Variants in GRIN3B observed in about 807,000 individuals in gnomAD.
GRIN3B encodes glutamate ionotropic receptor NMDA type subunit 3B, also known as glutamate receptor ionotropic, NMDA 3B.
GRIN3B carries 77 observed loss-of-function variants against 66.0 expected under a neutral mutation model. The observed-to-expected ratio is 1.17, with a 90% CI of 0.97 to 1.41. GRIN3B has a LOEUF of 1.41. Among genes scored for constraint, GRIN3B ranks in the 40% most tolerant of loss-of-function variants. The pLI, the probability that GRIN3B is intolerant of heterozygous loss-of-function variation, is 0.00. For missense variants in GRIN3B, 1,787 were observed against 1,564.5 expected (o/e 1.14, Z -2.40); for synonymous variants, 823 against 749.7 (o/e 1.10, Z -1.60).
rs142853420 is a variant in GRIN3B, at chr19:1,009,186, G to GAGC, written c.2734_2736dup (p.Gln912dup). On this transcript the variant is annotated inframe_insertion, in exon 9 of 9. Transcript: ENST00000234389. ...TTCCGTCCCCAGCGGCCCCGAGGTG[G>GAGC]AGCAGCAGCAGCAGCAGCAGGACCA... 105 of 1,471,716 alleles carry GAGC rather than the reference G, an allele frequency of 7.1e-5. No homozygotes were observed. The highest frequency in any genetic ancestry group is 1.5e-4 in the South Asian group (11 of 74,474). The allele number at this position is 1,471,716 out of a possible 1,614,324, so 91.2% of individuals were successfully genotyped here. A position where few individuals can be genotyped will look rare whatever the true frequency, so the allele number is the denominator to read the frequency against.
At chr19:1,008,981 C>T (rs1445196606) in intron 8 of GRIN3B, 54 bp downstream of exon 8, 7 of 1,549,076 alleles carry the variant, frequency 4.5e-6, no homozygotes, top group Non-Finnish European at 5.2e-6. Context: ...CCCACCACCC[C>T]ACCAGCTCGC....
intron 1 of GRIN3B, 33 bp from the exon 2 acceptor site, chr19:1,003,097 C>A: frequency 7.3e-7 from 1 of 1,372,484 alleles, no homozygotes; most frequent in South Asian, 1.6e-5. Context: ...GGGTGGAGGT[C>A]GTCAACCCTA....
At position 1,008,159 on chromosome 19, in the gene GRIN3B, C is replaced by G; in HGVS notation, c.2334C>G (p.Pro778=). ...FAIEGYGIGL[P]QNSPLTSNLS... ...CCCCAGGCTATGGGATCGGACTGCCCCAGAACTCGCCGCTCACCTCCAACC... is the reference window on the plus strand; with the variant it reads ...CCCCAGGCTATGGGATCGGACTGCCGCAGAACTCGCCGCTCACCTCCAACC... Residue 778 remains proline, a synonymous_variant, in exon 6 of 9, where the codon CCC becomes CCG. Transcript: ENST00000234389. 1 of 1,600,144 alleles carries G rather than the reference C, an allele frequency of 6.2e-7. No individual in the cohort carries two copies. Among genetic ancestry groups the G allele is most frequent in the Middle Eastern group, 1.7e-4 (1 of 6,048 alleles).
Position 1,004,874 on chromosome 19 carries a change from C to T in GRIN3B, c.1373C>T (p.Ala458Val), listed in dbSNP as rs778500000. 35 of 1,609,690 alleles carry T rather than the reference C, an allele frequency of 2.2e-5. No homozygotes were observed. The highest frequency in any genetic ancestry group is 2.8e-5 in the Non-Finnish European group (33 of 1,177,990). Residue 458 changes from alanine to valine, a missense_variant, in exon 3 of 9, where the codon GCA (alanine) becomes GTA (valine). Coordinates refer to ENST00000234389, the MANE Select transcript of GRIN3B (RefSeq NM_138690.3). ...ACCAACGACTCGGCCACCCTGGACG[C>T]ACTGTTCGCCGCGCTGGCCAACGGC... Reference protein sequence around the residue: ...PGTNDSATLDALFAALANGSA... With the variant: ...PGTNDSATLDVLFAALANGSA...
In GRIN3B at chr19:1,008,702, G is replaced by C. The variant is rs201161474; in HGVS notation, c.2551G>C (p.Gly851Arg). The change falls in exon 7 of 9, where the codon GGC becomes CGC. Residue 851 changes from glycine (G) to arginine (R), a missense_variant. Gly to Arg is a moderately radical substitution (Grantham distance 125). Coordinates refer to ENST00000234389, the MANE Select transcript of GRIN3B (RefSeq NM_138690.3). ...GGGCAGCGCTCTGCTCAGCTCGCTG[G>C]GCGAGCACGCCTTCTTCCGCCTGGC... is the stretch of plus-strand genomic sequence containing the variant. ...GLGSALLSSLGEHAFFRLALP... is the reference protein window; with the variant it reads ...GLGSALLSSLREHAFFRLALP... 23 of 1,607,742 alleles carry C rather than the reference G, an allele frequency of 1.4e-5. No individual in the cohort carries two copies. The highest frequency in any genetic ancestry group is 1.9e-5 in the Non-Finnish European group (22 of 1,179,600).
rs778067974 is a variant in GRIN3B at position 1,005,027 on chromosome 19, G to A, written c.1526G>A (p.Arg509Gln). ...GGTGACGGCAAGTACGGCGCCCTGC[G>A]GGACGGCCGCTGGACCGGCCTGGTC... The part of the protein sequence containing the change: ...LVGDGKYGAL[R>Q]DGRWTGLVGD... Residue 509 changes from arginine to glutamine, a missense_variant, in exon 3 of 9, where the codon CGG becomes CAG. Coordinates refer to ENST00000234389, the MANE Select transcript of GRIN3B (RefSeq NM_138690.3). The surrounding 1 kb of genome is among the most constrained non-coding windows in gnomAD (Gnocchi z 5.2). 2.6e-5 allele frequency: 42 copies of A among 1,611,796 alleles called. No individual in the cohort carries two copies. Among genetic ancestry groups the A allele is most frequent in the Middle Eastern group, 1.6e-4 (1 of 6,080 alleles).
Position 1,009,695 on chromosome 19 carries a change from G to A in GRIN3B, c.*93G>A, listed in dbSNP as rs975320708. On this transcript the variant is annotated 3_prime_UTR_variant, in exon 9 of 9. Transcript: ENST00000234389. ...TTATTCTATATACAAACACAATTTT[G>A]TACACTGCAATTAAATAGAATGGAA... The A allele has an allele frequency of 1.5e-5, 16 of 1,055,298 alleles. No individual in the cohort carries two copies. The highest frequency in any genetic ancestry group is 2.0e-5 in the Non-Finnish European group (16 of 794,664). The allele number at this position is 1,055,298 out of a possible 1,614,324, so 65.4% of individuals were successfully genotyped here. A position where few individuals can be genotyped will look rare whatever the true frequency, so the allele number is the denominator to read the frequency against.
intron 1 of GRIN3B, 118 bp downstream of exon 1, chr19:1,000,981 C>A: frequency 8.8e-7 from 1 of 1,132,928 alleles, no homozygotes. Flanking sequence ...AAGGGGGATC[C>A]CGGGACGCTG....
chr19:1,009,122 G>A, intron 8 of GRIN3B, 51 bp from the exon 9 acceptor site: 3 of 1,441,260 alleles, frequency 2.1e-6, no homozygotes, highest in Non-Finnish European at 2.7e-6. Flanking sequence ...GAGGCCCAGG[G>A]CGCGAGACGG....
Position 1,007,686 on chromosome 19 carries a change from C to T in GRIN3B, c.2111C>T (p.Ala704Val), listed in dbSNP as rs2145540440. Reference sequence around the variant, plus strand: ...ACCGTGTGGGAGAGCAGCGCCGAGGCGTACATCAAGAAGAGCTTCCCCGAC... The same window carrying T: ...ACCGTGTGGGAGAGCAGCGCCGAGGTGTACATCAAGAAGAGCTTCCCCGAC... ...FGTVWESSAE[A>V]YIKKSFPDMH... Residue 704 changes from alanine (A) to valine (V), a missense_variant, in exon 4 of 9, where the codon GCG becomes GTG. Transcript: ENST00000234389. This position sits in a 1 kb window ranked among gnomAD's most constrained non-coding sequence, Gnocchi z 4.4. 1 of 1,536,848 alleles carries T rather than the reference C, an allele frequency of 6.5e-7. No individual in the cohort carries two copies. The highest frequency in any genetic ancestry group is 1.7e-4 in the Middle Eastern group (1 of 5,968).
chr19:1,004,803 C>T lies in GRIN3B; in HGVS notation c.1302C>T (p.Asp434=), dbSNP rs139557341. 1.4e-4 allele frequency: 227 copies of T among 1,612,838 alleles called. No homozygotes were observed. Among genetic ancestry groups the T allele is most frequent in the African/African-American group, 8.8e-4 (66 of 75,034 alleles). Residue 434 remains aspartate (D), a synonymous_variant, in exon 3 of 9, where the codon GAC becomes GAT. Coordinates refer to ENST00000234389, the MANE Select transcript of GRIN3B (RefSeq NM_138690.3). ...EHPFVFARDP[D]EDGQCPAGQL... is the part of the protein sequence containing the mutation. ...CATTTGTGTTTGCCCGTGATCCAGACGAAGACGGGCAGTGCCCAGCGGGGC... is the reference window on the plus strand; with the variant it reads ...CATTTGTGTTTGCCCGTGATCCAGATGAAGACGGGCAGTGCCCAGCGGGGC...
At chr19:1,002,721 G>A (rs2038696036) in intron 1 of GRIN3B, 1 of 169,532 alleles carries the variant, frequency 5.9e-6, no homozygotes. Context: ...GGAGGGACCT[G>A]AGGCTGGAGG....
Position 1,003,308 on chromosome 19 carries a change from T to C in GRIN3B, c.605T>C (p.Val202Ala). ...CGGGCTGGCCGGCCCCCACAGCTGGTCCTGGACCTAAGCCGGCGGGACACG... is the reference window on the plus strand; with the variant it reads ...CGGGCTGGCCGGCCCCCACAGCTGGCCCTGGACCTAAGCCGGCGGGACACG... ...TSRAGRPPQL[V>A]LDLSRRDTGD... Residue 202 changes from valine to alanine, a missense_variant, in exon 2 of 9, where the codon GTC (valine) becomes GCC (alanine). Val to Ala is a moderately conservative substitution (Grantham distance 64). Transcript: ENST00000234389. 1.3e-6 allele frequency: 2 copies of C among 1,574,940 alleles called. No homozygotes were observed. The highest frequency in any genetic ancestry group is 1.2e-5 in the South Asian group (1 of 86,092).
Position 1,004,509 on chromosome 19 carries a change from C to T in GRIN3B, c.1020-12C>T. ...ACTTCGACACCTGACACCCCCCCCG[C>T]CCTGCCCCTAGGTTCCTGGCCAACA... On this transcript the variant is annotated splice_polypyrimidine_tract_variant and intron_variant, in intron 2 of 8. Transcript: ENST00000234389. 3 of 1,564,942 alleles carry T rather than the reference C, an allele frequency of 1.9e-6. No homozygotes were observed. The highest frequency in any genetic ancestry group is 2.3e-5 in the South Asian group (2 of 85,908).
Position 1,003,624 on chromosome 19 carries a change from G to A in GRIN3B, c.921G>A (p.Ala307=), listed in dbSNP as rs777565474. The A allele has an allele frequency of 7.4e-5, 106 of 1,429,086 alleles. No individual in the cohort carries two copies. The Admixed American group carries it at 1.1e-3, about 15-fold the overall frequency. The allele number at this position is 1,429,086 out of a possible 1,614,324, so 88.5% of individuals were successfully genotyped here. ...VQLVARALGS[A]AQVQPKRALL... ...TGGTGGCCCGGGCGCTGGGCAGTGC[G>A]GCCCAGGTGCAGCCGAAGCGAGCCC... Residue 307 remains alanine, a synonymous_variant, in exon 2 of 9, where the codon GCG becomes GCA. Coordinates refer to ENST00000234389, the MANE Select transcript of GRIN3B (RefSeq NM_138690.3).
rs1238944353 is a variant in GRIN3B at position 1,008,225 on chromosome 19, C to T, written c.2400C>T (p.Ile800=). Residue 800 remains isoleucine (I), a synonymous_variant, in exon 6 of 9, where the codon ATC becomes ATT. Coordinates refer to ENST00000234389, the MANE Select transcript of GRIN3B (RefSeq NM_138690.3). ...FISRYKSSGF[I]DLLHDKWYKM... ...GCCGCTACAAGTCCTCCGGCTTCATCGACCTGCTCCACGACAAGTGGTACA... is the reference window on the plus strand; with the variant it reads ...GCCGCTACAAGTCCTCCGGCTTCATTGACCTGCTCCACGACAAGTGGTACA... The T allele has an allele frequency of 6.2e-7, 1 of 1,612,620 alleles. No individual in the cohort carries two copies. Among genetic ancestry groups the T allele is most frequent in the Non-Finnish European group, 8.5e-7 (1 of 1,179,710 alleles).
Position 1,000,678 on chromosome 19 carries a change from G to A in GRIN3B, c.241G>A (p.Ala81Thr), listed in dbSNP as rs1406597301. Residue 81 changes from alanine to threonine, a missense_variant, in exon 1 of 9, where the codon GCC becomes ACC. Physicochemically the swap from Ala to Thr is moderately conservative, Grantham distance 58 (BLOSUM62 0). Coordinates refer to ENST00000234389, the MANE Select transcript of GRIN3B (RefSeq NM_138690.3). ...GGAGCTGGTGGTCGCCGCGCCCCCC[G>A]CCCGCGACCCCGCCTCGCTGACCCG... Reference protein sequence around the residue: ...SLELVVAAPPARDPASLTRGL... With the variant: ...SLELVVAAPPTRDPASLTRGL... The A allele has an allele frequency of 4.5e-6, 6 of 1,346,134 alleles. No individual in the cohort carries two copies. Among genetic ancestry groups the A allele is most frequent in the East Asian group, 3.2e-5 (1 of 30,876 alleles). 83.4% of individuals were successfully genotyped at this position (1,346,134 alleles called of 1,614,324 possible).
chr19:1,003,096 T>G, intron 1 of GRIN3B, 34 bp from the exon 2 acceptor site: 1 of 1,362,566 alleles, frequency 7.3e-7, no homozygotes, highest in Non-Finnish European at 9.6e-7. Flanking sequence ...GGGGTGGAGG[T>G]CGTCAACCCT....
In GRIN3B at chr19:1,008,685, C is replaced by T; in HGVS notation, c.2534C>T (p.Ala845Val). The T allele has an allele frequency of 1.2e-6, 2 of 1,606,490 alleles. No homozygotes were observed. The highest frequency in any genetic ancestry group is 1.7e-6 in the Non-Finnish European group (2 of 1,179,728). ...TTGCTGTGCCTGGGCCTGGGCAGCG[C>T]TCTGCTCAGCTCGCTGGGCGAGCAC... ...FVLLCLGLGS[A>V]LLSSLGEHAF... is the part of the protein sequence containing the mutation. Residue 845 changes from alanine (A) to valine (V), a missense_variant, in exon 7 of 9, where the codon GCT becomes GTT. Transcript: ENST00000234389.
Sources: allele counts gnomAD v4.1 joint callset, GRCh38; gene constraint gnomAD v4.1.1; non-coding constraint Gnocchi (gnomAD v3.1); transcripts MANE v1.5; gene names NCBI Gene and HGNC (gene_info 2026-07-23, HGNC 2026-07-21).